Variants in DLGAP2 observed in about 807,000 individuals in gnomAD.
DLGAP2 encodes DLG associated protein 2.
A neutral mutation model predicts 100.3 loss-of-function variants in DLGAP2; 26 were observed. The observed-to-expected ratio is 0.26, with a 90% CI of 0.19 to 0.36. DLGAP2 has a LOEUF of 0.36. Ranked by LOEUF, DLGAP2 falls within the 10% of genes least tolerant of loss-of-function variation. The pLI is 1.00. For synonymous variants in DLGAP2, 886 were observed against 630.1 expected, an observed-to-expected ratio of 1.41 and a Z score of -6.08; for missense variants, 1,858 against 1,453.2, an observed-to-expected ratio of 1.28 and a Z score of -4.53.
intron 4 of DLGAP2, among the ~76,000 whole-genome samples, chr8:1,503,320 GCTTT>G (rs1373924779): frequency 6.6e-6 from 1 of 151,416 alleles, no homozygotes; most frequent in African/African-American, 2.5e-5. Flanking sequence ...CCCCCATTCT[GCTTT>G]CTGTCTCTGA....
chr8:979,200 G>A (rs909181710), intron 2 of DLGAP2, among the ~76,000 whole-genome samples: 1 of 152,150 alleles, frequency 6.6e-6, no homozygotes, highest in Non-Finnish European at 1.5e-5. Context: ...GGAACATAAT[G>A]GCACCTAACA....
At chr8:1,303,249 T>C (rs894466631) in intron 3 of DLGAP2, among the ~76,000 whole-genome samples, 11 of 151,882 alleles carry the variant, frequency 7.2e-5, no homozygotes, top group African/African-American at 2.7e-4. Flanking sequence ...TACAAAAAAC[T>C]AGCCGGGCGT....
chr8:1,161,133 A>C (rs1796880690), intron 2 of DLGAP2, among the ~76,000 whole-genome samples: 1 of 152,248 alleles, frequency 6.6e-6, no homozygotes, highest in South Asian at 2.1e-4. Context: ...TGAGGAATAG[A>C]AAACGGTCTT....
intron 3 of DLGAP2, among the ~76,000 whole-genome samples, chr8:1,448,707 G>C (rs966889067): frequency 2.0e-5 from 3 of 152,128 alleles, no homozygotes; most frequent in African/African-American, 7.2e-5. Flanking sequence ...ATAGTTCTTT[G>C]CTATTGTTTT....
At chr8:1,697,356 C>T (rs538647048) in intron 14 of DLGAP2, 57 bp downstream of exon 14, 106 of 1,531,060 alleles carry the variant, frequency 6.9e-5, no homozygotes, top group Admixed American at 1.4e-4. Flanking sequence ...ACTGCACTAA[C>T]GACCTGCTGC....
intron 6 of DLGAP2, among the ~76,000 whole-genome samples, chr8:1,600,797 C>G (rs1260368792): frequency 6.6e-6 from 1 of 152,152 alleles, no homozygotes; most frequent in Non-Finnish European, 1.5e-5. Context: ...AGGTTCTTAG[C>G]TTCCTTGTGT....
intron 2 of DLGAP2, among the ~76,000 whole-genome samples, chr8:1,255,635 T>C (rs1433578304): frequency 4.8e-5 from 5 of 104,912 alleles, no homozygotes; most frequent in Admixed American, 9.5e-5. Flanking sequence ...TGTGTGTGTG[T>C]CCTCATCCTG....
chr8:1,228,929 G>C (rs1798478089), intron 2 of DLGAP2, among the ~76,000 whole-genome samples: 1 of 152,070 alleles, frequency 6.6e-6, no homozygotes, highest in South Asian at 2.1e-4. Flanking sequence ...TTCTAGGCAG[G>C]AAAAGCAGAT....
intron 1 of DLGAP2, among the ~76,000 whole-genome samples, chr8:845,576 C>T (rs958666342): frequency 6.6e-6 from 1 of 152,126 alleles, no homozygotes; most frequent in Non-Finnish European, 1.5e-5. Flanking sequence ...AGACGTATGA[C>T]CTGCAAATAA....
At chr8:1,073,850 G>A (rs181985762) in intron 2 of DLGAP2, among the ~76,000 whole-genome samples, 1 of 152,256 alleles carries the variant, frequency 6.6e-6, no homozygotes, top group Non-Finnish European at 1.5e-5. Context: ...GTCCAGGGGA[G>A]TAAGTTCTGA....
At position 1,607,968 on chromosome 8, in the gene DLGAP2, C is replaced by T. The variant is rs9693539; in HGVS notation, c.1443-18772C>T. On this transcript the variant is annotated intron_variant, in intron 6 of 14. Coordinates refer to ENST00000637795, the MANE Select transcript of DLGAP2 (RefSeq NM_001346810.2). ...GGCGGCAGCGAGGCTGGGGGAGGGG[C>T]GCCCGCCATTGCCCAGGCTTGCTTA... is the stretch of plus-strand genomic sequence containing the variant. Among the ~76,000 whole-genome samples, 20 of 141,420 alleles carry T rather than the reference C, an allele frequency of 1.4e-4. No homozygotes were observed. In the East Asian group the frequency reaches 2.9e-3, roughly 20 times the overall value. The allele number at this position is 141,420 out of a possible 152,430, so 92.8% of individuals were successfully genotyped here. A position where few individuals can be genotyped will look rare whatever the true frequency, so the allele number is the denominator to read the frequency against.
intron 2 of DLGAP2, among the ~76,000 whole-genome samples, chr8:1,107,895 A>T (rs1804828847): frequency 6.6e-6 from 1 of 152,062 alleles, no homozygotes; most frequent in Non-Finnish European, 1.5e-5. Context: ...CACGAGAGGG[A>T]GCTCACGAGA....
At chr8:779,558 G>T (rs1181794650) in intron 1 of DLGAP2, among the ~76,000 whole-genome samples, 3 of 151,396 alleles carry the variant, frequency 2.0e-5, no homozygotes. Flanking sequence ...CTGCCTCCTG[G>T]GCTCAAGTGA....
intron 6 of DLGAP2, among the ~76,000 whole-genome samples, chr8:1,590,948 T>C (rs371594873): frequency 5.9e-5 from 9 of 152,300 alleles, no homozygotes; most frequent in African/African-American, 2.2e-4. Context: ...TCTTCAATGG[T>C]GTTGGAGGAC....
chr8:1,385,863 ACAGTTACCCGG>A (rs1796207538), intron 3 of DLGAP2, among the ~76,000 whole-genome samples: 1 of 151,382 alleles, frequency 6.6e-6, no homozygotes, highest in African/African-American at 2.4e-5. Context: ...AACTTGGTGC[ACAGTTACCCGG>A]CCTGTGCCCG....
At chr8:1,523,351 C>A (rs1800675341) in intron 4 of DLGAP2, among the ~76,000 whole-genome samples, 1 of 152,228 alleles carries the variant, frequency 6.6e-6, no homozygotes, top group South Asian at 2.1e-4. Context: ...GTCCCACTTC[C>A]CACCCCGCGC....
At chr8:1,031,990 C>A (rs555681374) in intron 2 of DLGAP2, among the ~76,000 whole-genome samples, 2 of 152,200 alleles carry the variant, frequency 1.3e-5, no homozygotes, top group African/African-American at 4.8e-5. Context: ...AGGGGTGTTT[C>A]CCGGGCCCTT....
chr8:1,258,440 G>A (rs1046548448), intron 2 of DLGAP2, among the ~76,000 whole-genome samples: 1 of 151,854 alleles, frequency 6.6e-6, no homozygotes, highest in Admixed American at 6.6e-5. Flanking sequence ...TCGGTGGGTG[G>A]GGGGGAAGAG....
chr8:1,174,011 G>C (rs895680527), intron 2 of DLGAP2, among the ~76,000 whole-genome samples: 1 of 152,096 alleles, frequency 6.6e-6, no homozygotes, highest in Non-Finnish European at 1.5e-5. Context: ...ATTCCTATTT[G>C]GCCATCTTGG....
Sources: gnomAD v4.1 joint callset for allele counts (sites outside exome capture counted in the v4.1 genomes callset) on GRCh38, gnomAD v4.1.1 for gene constraint, MANE v1.5 for transcripts, NCBI Gene and HGNC (gene_info 2026-07-23, HGNC 2026-07-21) for gene names.